The following PPP2R3A variants were observed in gnomAD, a reference collection of about 807,000 sequenced individuals.
The protein encoded by PPP2R3A is protein phosphatase 2 regulatory subunit B''alpha.
Under a neutral mutation model 106.9 loss-of-function variants are expected in PPP2R3A, and 80 were observed. That is an observed-to-expected ratio of 0.75 (90% CI 0.62 to 0.90). PPP2R3A has a LOEUF of 0.90. Among genes scored for constraint, PPP2R3A ranks in the 40% least tolerant of loss-of-function variants. The probability of loss-of-function intolerance (pLI) is 0.00; values close to 1 mark genes in which losing one functional copy is unlikely to be tolerated. For missense variants in PPP2R3A, 1,386 were observed against 1,350.4 expected (o/e 1.03, Z -0.41); for synonymous variants, 483 against 468.3 (o/e 1.03, Z -0.41).
At position 136,010,793 on chromosome 3, in the gene PPP2R3A, C is replaced by G. The variant is rs375445142; in HGVS notation, c.1995+7300C>G. Among the ~76,000 whole-genome samples, 5 of 152,244 alleles carry G rather than the reference C, an allele frequency of 3.3e-5. No homozygotes were observed. The East Asian group carries it at 9.7e-4, about 29-fold the overall frequency. ...AATAGATACCATCCCCTCCCATCAA[C>G]TCACAAACACTCCTGCAGAGATTGA... On this transcript the variant is annotated intron_variant, in intron 2 of 13. Transcript: ENST00000264977.
intron 2 of PPP2R3A, among the ~76,000 whole-genome samples, chr3:136,025,923 A>G (rs1934636320): frequency 1.3e-5 from 2 of 152,166 alleles, no homozygotes; most frequent in African/African-American, 2.4e-5. Context: ...AGAATCTCAG[A>G]ACTAAATTTA....
chr3:136,051,944 A>G (rs1935700465), intron 5 of PPP2R3A, among the ~76,000 whole-genome samples: 1 of 152,086 alleles, frequency 6.6e-6, no homozygotes, highest in African/African-American at 2.4e-5. Context: ...GGCTTGTCTA[A>G]TTTGCATAAT....
At chr3:136,028,580 G>A (rs1412311371) in intron 3 of PPP2R3A, among the ~76,000 whole-genome samples, 1 of 152,156 alleles carries the variant, frequency 6.6e-6, no homozygotes, top group Non-Finnish European at 1.5e-5. Flanking sequence ...CTGGACATGT[G>A]GTAACAGTAA....
chr3:135,966,754 A>G (rs1479497031), intron 1 of PPP2R3A, among the ~76,000 whole-genome samples: 1 of 152,186 alleles, frequency 6.6e-6, no homozygotes, highest in Non-Finnish European at 1.5e-5. Context: ...AATTCTTAAC[A>G]CGTAAGCAAA....
At chr3:136,119,200 C>T (rs891957494) in intron 13 of PPP2R3A, among the ~76,000 whole-genome samples, 2 of 152,288 alleles carry the variant, frequency 1.3e-5, no homozygotes, top group South Asian at 2.1e-4. Flanking sequence ...CCCTTCCTTA[C>T]ACCTTATACA....
chr3:136,055,350 G>GTTTAGTTGCTAAACTAAACTAAT, intron 5 of PPP2R3A: 1 of 952,310 alleles, frequency 1.1e-6, no homozygotes, highest in East Asian at 2.4e-5. Context: ...AACTCTAAGA[G>GTTTAGTTGCTAAACTAAACTAAT]TTTAGTTGCT....
intron 12 of PPP2R3A, among the ~76,000 whole-genome samples, chr3:136,104,597 G>A (rs1206411808): frequency 1.3e-5 from 2 of 152,090 alleles, no homozygotes; most frequent in African/African-American, 2.4e-5. Context: ...TGAGCTGGCT[G>A]TGCCCAGCCT....
rs528190321 is a variant in PPP2R3A, at chr3:136,032,335, C to T, written c.2262+5237C>T. 2.6e-5 allele frequency among the ~76,000 whole-genome samples: 4 copies of T among 152,004 alleles called. No homozygotes were observed. The South Asian group carries it at 8.3e-4, about 32-fold the overall frequency. On this transcript the variant is annotated intron_variant, in intron 3 of 13. Transcript: ENST00000264977. ...TTCTTGATTTGATACTCAGCTTGCT[C>T]GTTGTTGGTGTATAGAAGAGCTACT...
Position 136,026,902 on chromosome 3 carries a change from G to C in PPP2R3A, c.2066G>C (p.Arg689Pro). 1 of 1,612,738 alleles carries C rather than the reference G, an allele frequency of 6.2e-7. No individual in the cohort carries two copies. The highest frequency in any genetic ancestry group is 8.5e-7 in the Non-Finnish European group (1 of 1,178,968). The change falls in exon 3 of 14, where the codon CGA becomes CCA. Residue 689 changes from arginine to proline, a missense_variant. Physicochemically the swap from Arg to Pro is moderately radical, Grantham distance 103. Transcript: ENST00000264977. ...CCAGCCACCTCTCCAAGTAGTCCCC[G>C]ACCTCTCTCCCCGGTTCCCCATGTG... ...PPPATSPSSP[R>P]PLSPVPHVNN... is the part of the protein sequence containing the mutation.
intron 13 of PPP2R3A, among the ~76,000 whole-genome samples, chr3:136,117,897 A>C (rs1937838786): frequency 6.6e-6 from 1 of 152,180 alleles, no homozygotes; most frequent in African/African-American, 2.4e-5. Context: ...TCATCCTGAT[A>C]CCAAAGCCTG....
rs540592453 is a variant in PPP2R3A at position 136,065,467 on chromosome 3, T to C, written c.2470-5011T>C. ...GTGTATATATAAATTTTTTACGTTT[T>C]TATTATGGAGAATTTTGAAATGCAT... On this transcript the variant is annotated intron_variant, in intron 5 of 13. Transcript: ENST00000264977. Among the ~76,000 whole-genome samples, 38 of 152,242 alleles carry C rather than the reference T, an allele frequency of 2.5e-4. 1 individual carries two copies. The highest frequency in any genetic ancestry group is 8.9e-4 in the African/African-American group (37 of 41,540).
intron 6 of PPP2R3A, among the ~76,000 whole-genome samples, chr3:136,077,920 A>G (rs1353271491): frequency 6.6e-6 from 1 of 152,204 alleles, no homozygotes; most frequent in Non-Finnish European, 1.5e-5. Context: ...TCAAGTGAAT[A>G]AGGCTATAAT....
chr3:136,059,318 A>G (rs1201276888), intron 5 of PPP2R3A, among the ~76,000 whole-genome samples: 2 of 152,154 alleles, frequency 1.3e-5, no homozygotes, highest in Non-Finnish European at 2.9e-5. Flanking sequence ...AGTGAGCAAA[A>G]TACATGAACA....
At chr3:136,075,163 T>C (rs1462494030) in intron 6 of PPP2R3A, among the ~76,000 whole-genome samples, 2 of 152,222 alleles carry the variant, frequency 1.3e-5, no homozygotes, top group Non-Finnish European at 2.9e-5. Context: ...TCTAATTCAA[T>C]AGATACCAAG....
chr3:136,030,905 A>AT (rs1233332282), intron 3 of PPP2R3A, among the ~76,000 whole-genome samples: 1 of 151,600 alleles, frequency 6.6e-6, no homozygotes. Context: ...CATTTTTGCA[A>AT]TTGCGAATTG....
chr3:136,087,243 G>GTGTC (rs1476665959), intron 8 of PPP2R3A, among the ~76,000 whole-genome samples: 1 of 75,062 alleles, frequency 1.3e-5, no homozygotes, highest in African/African-American at 4.3e-5. Context: ...GTCTCTAGTC[G>GTGTC]TGTCTCTCTC....
At chr3:136,049,230 A>G in intron 4 of PPP2R3A, 29 bp from the exon 5 acceptor site, 5 of 1,509,618 alleles carry the variant, frequency 3.3e-6, no homozygotes, top group Non-Finnish European at 4.6e-6. Context: ...AGAGGAACTA[A>G]TCTTCCTAAG....
chr3:136,145,615 G>C lies in PPP2R3A; in HGVS notation c.*449G>C, dbSNP rs1253025803. On this transcript the variant is annotated 3_prime_UTR_variant, in exon 14 of 14. Coordinates refer to ENST00000264977, the MANE Select transcript of PPP2R3A (RefSeq NM_002718.5). ...CTTGAAAAAGTAGTAAGGGCCTCCA[G>C]AATTGACTTAGCCCTAGTAATAAAA... 6.5e-6 allele frequency: 1 copy of C among 152,972 alleles called. No individual in the cohort carries two copies. Among genetic ancestry groups the C allele is most frequent in the Non-Finnish European group, 1.5e-5 (1 of 68,338 alleles). The allele number at this position is 152,972 out of a possible 1,614,324, so 9.5% of individuals were successfully genotyped here. A position where few individuals can be genotyped will look rare whatever the true frequency, so the allele number is the denominator to read the frequency against.
chr3:136,115,366 C>T (rs1937703037), intron 13 of PPP2R3A, among the ~76,000 whole-genome samples: 1 of 152,048 alleles, frequency 6.6e-6, no homozygotes, highest in African/African-American at 2.4e-5. Flanking sequence ...AACTCCTTGC[C>T]AGCAAGGGAA....
Sources: gnomAD v4.1 joint callset for allele counts (sites outside exome capture counted in the v4.1 genomes callset) on GRCh38, gnomAD v4.1.1 for gene constraint, MANE v1.5 for transcripts, NCBI Gene and HGNC (gene_info 2026-07-23, HGNC 2026-07-21) for gene names.